Variants in RASGEF1C observed in about 807,000 individuals in gnomAD.
RASGEF1C encodes the protein RasGEF domain family member 1C.
In RASGEF1C, 27 loss-of-function variants were observed where a neutral mutation model predicts 58.1. That is an observed-to-expected ratio of 0.46 (90% confidence interval 0.34 to 0.64). RASGEF1C has a LOEUF of 0.64. Ranked by LOEUF, RASGEF1C falls within the 30% of genes least tolerant of loss-of-function variation. The pLI, the probability that RASGEF1C is intolerant of heterozygous loss-of-function variation, is 0.01. For synonymous variants in RASGEF1C, 243 were observed against 246.3 expected (o/e 0.99, Z 0.13); for missense variants, 502 against 605.1 (o/e 0.83, Z 1.79).
chr5:180,121,415 G>A (rs1046951565), intron 6 of RASGEF1C, among the ~76,000 whole-genome samples: 16 of 151,714 alleles, frequency 1.1e-4, no homozygotes, highest in Admixed American at 5.3e-4. Context: ...CCGGGTTCAC[G>A]CCACTCTCCT....
At chr5:180,169,312 C>A (rs1445656705) in intron 1 of RASGEF1C, among the ~76,000 whole-genome samples, 1 of 152,176 alleles carries the variant, frequency 6.6e-6, no homozygotes, top group Admixed American at 6.5e-5. Context: ...GGCTGCGCCC[C>A]GAACAGGCCA....
At chr5:180,144,275 C>T (rs1224232238) in intron 1 of RASGEF1C, among the ~76,000 whole-genome samples, 2 of 152,176 alleles carry the variant, frequency 1.3e-5, no homozygotes, top group Non-Finnish European at 2.9e-5. Context: ...CCTGCCCATC[C>T]AGCCCTGCAG....
At chr5:180,117,994 CAAAAAAAAAAAA>C (rs3078957) in intron 10 of RASGEF1C, among the ~76,000 whole-genome samples, 1 of 108,682 alleles carries the variant, frequency 9.2e-6, no homozygotes, top group Middle Eastern at 4.3e-3. Flanking sequence ...ACTCCATCTC[CAAAAAAAAAAAA>C]AAAAAAAAAT....
intron 10 of RASGEF1C, among the ~76,000 whole-genome samples, chr5:180,116,985 T>C (rs1168070372): frequency 6.6e-6 from 1 of 152,238 alleles, no homozygotes; most frequent in African/African-American, 2.4e-5. Flanking sequence ...GAATTGGCAA[T>C]GCTGATGCCC....
chr5:180,171,391 C>T (rs1243298093), intron 1 of RASGEF1C, among the ~76,000 whole-genome samples: 2 of 152,132 alleles, frequency 1.3e-5, no homozygotes, highest in Non-Finnish European at 2.9e-5. Flanking sequence ...CAAGCACCTC[C>T]TCCTACAGCC....
At chr5:180,202,289 T>C (rs538923280) in intron 1 of RASGEF1C, among the ~76,000 whole-genome samples, 1 of 152,240 alleles carries the variant, frequency 6.6e-6, no homozygotes, top group Non-Finnish European at 1.5e-5. Context: ...CACAAACATA[T>C]TATTGGCATC....
rs1581107680 is a variant in RASGEF1C, at chr5:180,148,021, T to C, written c.-6-9963A>G. Among the ~76,000 whole-genome samples, 13 of 152,208 alleles carry C rather than the reference T, an allele frequency of 8.5e-5. 1 individual carries two copies. The South Asian group carries it at 2.7e-3, about 32-fold the overall frequency. On this transcript the variant is annotated intron_variant, in intron 1 of 13. Coordinates refer to ENST00000361132, the MANE Select transcript of RASGEF1C (RefSeq NM_175062.4). ...CCCATTTTTGCTTCATATATTTTAA[T>C]GACCTGTTTTGGGGTCATAAATGTT... is the stretch of plus-strand genomic sequence containing the variant.
chr5:180,122,371 A>C (rs1766190690), intron 6 of RASGEF1C, among the ~76,000 whole-genome samples: 1 of 152,228 alleles, frequency 6.6e-6, no homozygotes, highest in African/African-American at 2.4e-5. Flanking sequence ...AAAATTTTTA[A>C]ATGGATTTAG....
At chr5:180,157,352 T>C (rs6873417) in intron 1 of RASGEF1C, among the ~76,000 whole-genome samples, 16,794 of 152,178 alleles carry the variant, frequency 0.11, 1,088 homozygotes, top group African/African-American at 0.18. Context: ...CTGGGTGCAG[T>C]GGCTCACGCC....
intron 12 of RASGEF1C, among the ~76,000 whole-genome samples, chr5:180,105,332 G>A (rs1561728297): frequency 1.3e-5 from 2 of 152,008 alleles, no homozygotes; most frequent in Non-Finnish European, 2.9e-5. Context: ...GGAGGCGGAG[G>A]TGGGCAGATC....
chr5:180,208,927 C>CGA (rs1756544750), intron 1 of RASGEF1C, 101 bp downstream of exon 1: 1 of 148,144 alleles, frequency 6.8e-6, no homozygotes, highest in African/African-American at 2.4e-5. Context: ...AGCCTCCCGC[C>CGA]TCCCGCCGAC....
chr5:180,132,207 G>A (rs762674233), intron 4 of RASGEF1C, among the ~76,000 whole-genome samples: 141 of 152,324 alleles, frequency 9.3e-4, no homozygotes, highest in Non-Finnish European at 1.7e-3. Flanking sequence ...CCCTCTCTCC[G>A]CACTGATCAT....
rs571726078 is a variant in RASGEF1C, at chr5:180,197,728, G to A, written c.-7+11300C>T. On this transcript the variant is annotated intron_variant, in intron 1 of 13. Transcript: ENST00000361132. This position sits in a 1 kb window ranked among gnomAD's most constrained non-coding sequence, Gnocchi z 4.7. ...GGGACTCAGCCAATGGCACTGTGCA[G>A]GTGCTTAAACCGTCACAGAGAGCAG... 1.3e-3 allele frequency among the ~76,000 whole-genome samples: 202 copies of A among 152,330 alleles called. No homozygotes were observed. The highest frequency in any genetic ancestry group is 2.0e-3 in the Non-Finnish European group (134 of 68,038).
intron 11 of RASGEF1C, among the ~76,000 whole-genome samples, chr5:180,113,021 G>C (rs544931402): frequency 2.3e-5 from 2 of 87,386 alleles, no homozygotes; most frequent in Non-Finnish European, 5.0e-5. Context: ...CGGAGGGACC[G>C]GGGATGGACG....
chr5:180,192,895 C>G (rs1442635211), intron 1 of RASGEF1C, among the ~76,000 whole-genome samples: 1 of 150,516 alleles, frequency 6.6e-6, no homozygotes, highest in African/African-American at 2.4e-5. Flanking sequence ...CAGGTGCCCA[C>G]CACCACGCCC....
intron 1 of RASGEF1C, among the ~76,000 whole-genome samples, chr5:180,170,528 C>T (rs1767092778): frequency 6.6e-6 from 1 of 152,206 alleles, no homozygotes; most frequent in South Asian, 2.1e-4. Context: ...CCGCGCTACG[C>T]AGCTGCTGCC....
At chr5:180,147,784 G>A (rs1304151960) in intron 1 of RASGEF1C, among the ~76,000 whole-genome samples, 2 of 152,174 alleles carry the variant, frequency 1.3e-5, no homozygotes, top group East Asian at 1.9e-4. Context: ...GTTGAGTAGA[G>A]TTCTGTATAT....
At chr5:180,174,572 G>A (rs1022072924) in intron 1 of RASGEF1C, among the ~76,000 whole-genome samples, 27 of 150,828 alleles carry the variant, frequency 1.8e-4, no homozygotes, top group Middle Eastern at 6.8e-3. Flanking sequence ...GTGCACGTGT[G>A]TCTGTGTGTG....
chr5:180,147,121 C>T (rs950527684), intron 1 of RASGEF1C, among the ~76,000 whole-genome samples: 1 of 151,750 alleles, frequency 6.6e-6, no homozygotes, highest in Non-Finnish European at 1.5e-5. Flanking sequence ...CTCTTATAAT[C>T]CCTTTAATTT....
Sources: allele counts gnomAD v4.1 joint callset (sites outside exome capture counted in the v4.1 genomes callset), GRCh38; gene constraint gnomAD v4.1.1; non-coding constraint Gnocchi (gnomAD v3.1); transcripts MANE v1.5; gene names NCBI Gene and HGNC (gene_info 2026-07-23, HGNC 2026-07-21).